The following TNPO1 variants were observed in gnomAD, a reference collection of about 807,000 sequenced individuals.
TNPO1 encodes transportin 1.
Under a neutral mutation model 119.5 loss-of-function variants are expected in TNPO1, and 8 were observed. That is an observed-to-expected ratio of 0.07 (90% CI 0.04 to 0.12). The LOEUF (loss-of-function observed/expected upper bound fraction) is 0.12. TNPO1 is among the 10% of genes least tolerant of loss of function. The pLI is 1.00. For missense variants in TNPO1, 576 were observed against 1,089.8 expected (o/e 0.53, Z 6.64); for synonymous variants, 362 against 363.0 (o/e 1.00, Z 0.03).
intron 1 of TNPO1, among the ~76,000 whole-genome samples, chr5:72,821,638 G>T (rs1456668213): frequency 6.6e-6 from 1 of 152,132 alleles, no homozygotes; most frequent in Non-Finnish European, 1.5e-5. Context: ...ATTATCTCTT[G>T]TCGAGAGATT....
chr5:72,823,575 T>C (rs1257534144), intron 1 of TNPO1, among the ~76,000 whole-genome samples: 2 of 152,196 alleles, frequency 1.3e-5, no homozygotes, highest in South Asian at 2.1e-4. Context: ...CTCCAACCCA[T>C]TGATCCTATT....
rs554659595 is a variant in TNPO1, at chr5:72,901,027, G to A, written c.2468G>A (p.Arg823His). The change falls in exon 22 of 25, where the codon CGT (arginine) becomes CAT (histidine). Residue 823 changes from arginine (R) to histidine (H), a missense_variant. By Grantham distance (29) the Arg-to-His change is conservative. This residue lies in a region of TNPO1 where 162 missense variants were observed against 294.1 expected (regional missense o/e 0.55). Coordinates refer to ENST00000337273, the MANE Select transcript of TNPO1 (RefSeq NM_002270.4). The part of the protein sequence containing the change: ...RDNEEKDSAF[R>H]GICTMISVNP... Reference sequence around the variant, plus strand: ...AATGAGGAAAAGGATTCAGCATTCCGTGGAATTTGTACCATGATCAGTGTG... The same window carrying A: ...AATGAGGAAAAGGATTCAGCATTCCATGGAATTTGTACCATGATCAGTGTG... The A allele has an allele frequency of 7.4e-6, 12 of 1,611,656 alleles. No homozygotes were observed. Among genetic ancestry groups the A allele is most frequent in the South Asian group, 6.6e-5 (6 of 90,748 alleles).
At chr5:72,838,410 T>G (rs192696471) in intron 1 of TNPO1, among the ~76,000 whole-genome samples, 72 of 152,344 alleles carry the variant, frequency 4.7e-4, no homozygotes, top group Non-Finnish European at 8.5e-4. Flanking sequence ...ATCAACTGTT[T>G]AGGTATGTCT....
rs1445590279 is a variant in TNPO1, at chr5:72,889,815, G to A, written c.1559G>A (p.Cys520Tyr). The A allele has an allele frequency of 6.2e-7, 1 of 1,605,452 alleles. No individual in the cohort carries two copies. Among genetic ancestry groups the A allele is most frequent in the East Asian group, 2.2e-5 (1 of 44,562 alleles). ...TTTGCTACCCTAGAAGAGGAGGCTT[G>A]TACAGAACTTGTTCCTTACCTTGCT... ...SAFATLEEEA[C>Y]TELVPYLAYI... The change falls in exon 14 of 25, where the codon TGT becomes TAT. Residue 520 changes from cysteine (C) to tyrosine (Y), a missense_variant. Transcript: ENST00000337273.
chr5:72,861,217 A>G (rs1019604062), intron 4 of TNPO1, among the ~76,000 whole-genome samples: 1 of 151,882 alleles, frequency 6.6e-6, no homozygotes, highest in African/African-American at 2.4e-5. Flanking sequence ...AGCCATTAGA[A>G]TTAATTTTAA....
intron 11 of TNPO1, among the ~76,000 whole-genome samples, chr5:72,884,641 T>C (rs905841439): frequency 1.3e-5 from 2 of 152,230 alleles, no homozygotes; most frequent in Non-Finnish European, 2.9e-5. Context: ...GGGATGAACC[T>C]AAACACCTGT....
At chr5:72,838,198 C>A (rs1344194981) in intron 1 of TNPO1, among the ~76,000 whole-genome samples, 4 of 152,140 alleles carry the variant, frequency 2.6e-5, no homozygotes, top group Non-Finnish European at 5.9e-5. Flanking sequence ...TCTGCATACA[C>A]TTGAAAATGT....
At chr5:72,903,168 T>C (rs1302423596) in intron 22 of TNPO1, among the ~76,000 whole-genome samples, 2 of 152,186 alleles carry the variant, frequency 1.3e-5, no homozygotes, top group African/African-American at 2.4e-5. Flanking sequence ...TTTTTTGTTC[T>C]TGTTTGGATT....
At chr5:72,902,845 G>C (rs1203221290) in intron 22 of TNPO1, among the ~76,000 whole-genome samples, 1 of 152,018 alleles carries the variant, frequency 6.6e-6, no homozygotes, top group Non-Finnish European at 1.5e-5. Flanking sequence ...TTTAACATCA[G>C]ATTTGGTATT....
intron 1 of TNPO1, 46 bp from the exon 2 acceptor site, chr5:72,848,339 G>C (rs377477022): frequency 8.2e-6 from 13 of 1,580,014 alleles, no homozygotes; most frequent in South Asian, 1.1e-5. Flanking sequence ...TGTGCACCGG[G>C]AGTAACAGTT....
intron 1 of TNPO1, among the ~76,000 whole-genome samples, chr5:72,818,091 G>A (rs1162187093): frequency 1.3e-5 from 2 of 152,220 alleles, no homozygotes; most frequent in African/African-American, 4.8e-5. Flanking sequence ...TAGCTTGGCA[G>A]TACGATTTTT....
intron 6 of TNPO1, among the ~76,000 whole-genome samples, chr5:72,872,072 C>T (rs1457172682): frequency 6.6e-6 from 1 of 152,102 alleles, no homozygotes; most frequent in African/African-American, 2.4e-5. Context: ...GTCAAACAGG[C>T]TGTAGTGGGG....
rs936170130 is a variant in TNPO1, at chr5:72,911,319, C to CT, written c.*2657dup. 909 of 145,254 alleles carry CT rather than the reference C, an allele frequency of 6.3e-3. 5 individuals are homozygous for CT. Among genetic ancestry groups the CT allele is most frequent in the African/African-American group, 0.016 (649 of 39,814 alleles). The allele number at this position is 145,254 out of a possible 1,614,324, so 9.0% of individuals were successfully genotyped here. On this transcript the variant is annotated 3_prime_UTR_variant, in exon 25 of 25. Coordinates refer to ENST00000337273, the MANE Select transcript of TNPO1 (RefSeq NM_002270.4). ...TGCACCCAGTTTTGTAGTCACTTGA[C>CT]TTTTTTTTTTTATTTAAATGAAATT...
At chr5:72,853,502 CAA>C (rs1745751610) in intron 3 of TNPO1, among the ~76,000 whole-genome samples, 1 of 152,246 alleles carries the variant, frequency 6.6e-6, no homozygotes, top group African/African-American at 2.4e-5. Context: ...ATTGCTTCCA[CAA>C]AGACATTAAT....
chr5:72,865,746 T>A lies in TNPO1; in HGVS notation c.596+17T>A. ...AAAAATAAGGTACTTATATTGCCAG[T>A]ACTAATTGATTAACTGTGATATAAA... On this transcript the variant is annotated intron_variant, in intron 6 of 24. Transcript: ENST00000337273. The A allele has an allele frequency of 6.2e-7, 1 of 1,605,274 alleles. No homozygotes were observed. Among genetic ancestry groups the A allele is most frequent in the Non-Finnish European group, 8.5e-7 (1 of 1,176,704 alleles).
rs1298752922 is a variant in TNPO1 at position 72,822,953 on chromosome 5, T to A, written c.15+6201T>A. Among the ~76,000 whole-genome samples, 10 of 148,292 alleles carry A rather than the reference T, an allele frequency of 6.7e-5. No individual in the cohort carries two copies. In the East Asian group the frequency reaches 2.0e-3, roughly 29 times the overall value. On this transcript the variant is annotated intron_variant, in intron 1 of 24. Transcript: ENST00000337273. The stretch of plus-strand genomic sequence containing the variant: ...TTTTTGGAGACACAGTCTAGCTCTC[T>A]TGTCCAGGCTGGAGTGGGGTCTATG...
rs1363049166 is a variant in TNPO1, at chr5:72,912,320, CATTG to C, written c.*3650_*3653del. ...GTGATTTTTTTGGTTAAGACTTTTTCATTGATCTGAATTGCTTAAATTGCATATA... is the reference window on the plus strand; with the variant it reads ...GTGATTTTTTTGGTTAAGACTTTTTCATCTGAATTGCTTAAATTGCATATA... On this transcript the variant is annotated 3_prime_UTR_variant, in exon 25 of 25. Transcript: ENST00000337273. 1 of 152,396 alleles carries C rather than the reference CATTG, an allele frequency of 6.6e-6. No homozygotes were observed. Among genetic ancestry groups the C allele is most frequent in the African/African-American group, 2.4e-5 (1 of 41,422 alleles). The allele number at this position is 152,396 out of a possible 1,614,324, so 9.4% of individuals were successfully genotyped here.
intron 24 of TNPO1, among the ~76,000 whole-genome samples, chr5:72,906,504 C>T (rs1490978803): frequency 2.0e-5 from 3 of 151,888 alleles, no homozygotes; most frequent in African/African-American, 7.3e-5. Context: ...GTTGGCCGGG[C>T]TGGTCTCGAA....
At chr5:72,821,455 T>C (rs1384892613) in intron 1 of TNPO1, among the ~76,000 whole-genome samples, 1 of 152,218 alleles carries the variant, frequency 6.6e-6, no homozygotes, top group Non-Finnish European at 1.5e-5. Context: ...ATTTTAAAGA[T>C]AAGAATATAA....
Sources: gnomAD v4.1 joint callset for allele counts (sites outside exome capture counted in the v4.1 genomes callset) on GRCh38, gnomAD v4.1.1 for gene constraint, gnomAD v4.1.1 regional missense constraint, MANE v1.5 for transcripts, NCBI Gene and HGNC (gene_info 2026-07-23, HGNC 2026-07-21) for gene names.